FSTL5: variants seen among roughly 807,000 people sequenced by gnomAD.
FSTL5 encodes the protein follistatin-related protein 5.
Under a neutral mutation model 89.1 loss-of-function variants are expected in FSTL5, and 62 were observed. The observed-to-expected ratio is 0.70, with a 90% CI of 0.57 to 0.86. FSTL5 has a LOEUF of 0.86. FSTL5 is among the 40% of genes least tolerant of loss of function. The pLI, the probability that FSTL5 is intolerant of heterozygous loss-of-function variation, is 0.00. For missense variants in FSTL5, 1,057 were observed against 1,001.6 expected, an observed-to-expected ratio of 1.06 and a Z score of -0.75; for synonymous variants, 383 against 346.2, an observed-to-expected ratio of 1.11 and a Z score of -1.18.
chr4:162,022,620 C>T (rs1002225181), intron 3 of FSTL5: 2 of 152,090 alleles, frequency 1.3e-5, no homozygotes, highest in African/African-American at 4.8e-5. Flanking sequence ...TGCTTCATAT[C>T]CCTGAGAGAA....
At chr4:162,069,973 C>T (rs1469038607) in intron 2 of FSTL5, among the ~76,000 whole-genome samples, 1 of 151,708 alleles carries the variant, frequency 6.6e-6, no homozygotes, top group Non-Finnish European at 1.5e-5. Flanking sequence ...TAATATTTTC[C>T]ATAATGGCTG....
intron 4 of FSTL5, among the ~76,000 whole-genome samples, chr4:161,833,479 G>A (rs1164386326): frequency 1.1e-5 from 1 of 88,464 alleles, no homozygotes; most frequent in South Asian, 3.7e-4. Context: ...TTGACAGTGG[G>A]GTGTTAAAGT....
In FSTL5 at chr4:161,920,662, T is replaced by TA. The variant is rs5863499; in HGVS notation, c.161-11dup. ...TCCTGAATCATAAATCCTGAAGAAT[T>TA]AAAAAAAAATTGAAAATCGTTTGGT... is the stretch of plus-strand genomic sequence containing the variant. On this transcript the variant is annotated splice_polypyrimidine_tract_variant and intron_variant, in intron 3 of 15. Coordinates refer to ENST00000306100, the MANE Select transcript of FSTL5 (RefSeq NM_020116.5). The TA allele has an allele frequency of 0.92, 1,343,281 of 1,454,672 alleles. 621,852 individuals carry two copies. The highest frequency in any genetic ancestry group is 0.95 in the Non-Finnish European group (1,006,388 of 1,059,090). The allele number at this position is 1,454,672 out of a possible 1,614,324, so 90.1% of individuals were successfully genotyped here. A position where few individuals can be genotyped will look rare whatever the true frequency, so the allele number is the denominator to read the frequency against.
At chr4:162,085,389 CAGG>C (rs1451131450) in intron 2 of FSTL5, among the ~76,000 whole-genome samples, 1 of 151,910 alleles carries the variant, frequency 6.6e-6, no homozygotes, top group African/African-American at 2.4e-5. Flanking sequence ...ACTTAACAAT[CAGG>C]AGATTTTTTT....
chr4:161,797,977 G>T (rs992586841), intron 4 of FSTL5, among the ~76,000 whole-genome samples: 1 of 151,504 alleles, frequency 6.6e-6, no homozygotes, highest in Non-Finnish European at 1.5e-5. Context: ...AAAGAGTAAT[G>T]CTCATCATCA....
At chr4:162,048,063 A>G (rs949097906) in intron 2 of FSTL5, among the ~76,000 whole-genome samples, 2 of 151,950 alleles carry the variant, frequency 1.3e-5, no homozygotes, top group African/African-American at 4.8e-5. Context: ...GTGGCGGGTC[A>G]CGCCTGTAAT....
intron 4 of FSTL5, among the ~76,000 whole-genome samples, chr4:161,860,900 A>T (rs1289820289): frequency 6.6e-6 from 1 of 151,060 alleles, no homozygotes; most frequent in Non-Finnish European, 1.5e-5. Context: ...CTCTCTTTTC[A>T]CCCCTCTCTC....
intron 3 of FSTL5, among the ~76,000 whole-genome samples, chr4:161,969,912 G>A (rs1271537683): frequency 1.3e-5 from 2 of 152,066 alleles, no homozygotes; most frequent in African/African-American, 2.4e-5. Context: ...GTGTATGTTT[G>A]AAAAATGCAG....
chr4:161,636,657 C>T, intron 7 of FSTL5, among the ~76,000 whole-genome samples: 1 of 146,768 alleles, frequency 6.8e-6, no homozygotes, highest in Admixed American at 6.8e-5. Context: ...ATTCCCCTTC[C>T]TGTGTCCATG....
At chr4:161,967,943 C>T (rs906283851) in intron 3 of FSTL5, among the ~76,000 whole-genome samples, 2 of 151,844 alleles carry the variant, frequency 1.3e-5, no homozygotes, top group African/African-American at 4.8e-5. Context: ...TAATTTCCCC[C>T]AGGAGTTTGC....
chr4:161,496,941 GATAA>G (rs1730108411), intron 12 of FSTL5, among the ~76,000 whole-genome samples: 1 of 152,018 alleles, frequency 6.6e-6, no homozygotes, highest in African/African-American at 2.4e-5. Context: ...TGTTTTTCTG[GATAA>G]ATATTTTCTG....
intron 4 of FSTL5, among the ~76,000 whole-genome samples, chr4:161,798,397 C>A (rs886543988): frequency 2.6e-5 from 4 of 151,374 alleles, no homozygotes; most frequent in South Asian, 2.1e-4. Flanking sequence ...GTTTATCAAC[C>A]CCTATCTTTA....
chr4:161,920,313 T>C (rs753119040), intron 4 of FSTL5, 91 bp downstream of exon 4: 20 of 1,302,640 alleles, frequency 1.5e-5, no homozygotes, highest in Non-Finnish European at 1.9e-5. Flanking sequence ...TTTAGACCCT[T>C]GCTGATATAA....
intron 3 of FSTL5, among the ~76,000 whole-genome samples, chr4:161,966,132 T>C (rs1735320480): frequency 6.6e-6 from 1 of 152,110 alleles, no homozygotes; most frequent in Non-Finnish European, 1.5e-5. Context: ...AGAGTTATAG[T>C]AAGAAAACAA....
In FSTL5 at chr4:161,975,698, A is replaced by G. The variant is rs186528957; in HGVS notation, c.161-55046T>C. 3.7e-3 allele frequency among the ~76,000 whole-genome samples: 555 copies of G among 151,732 alleles called. 2 individuals are homozygous for G. The highest frequency in any genetic ancestry group is 0.016 in the South Asian group (79 of 4,828). ...CAGCGCACCAGCATGGCACATGTAT[A>G]CATATGTAACTAACCTGCACAATGT... On this transcript the variant is annotated intron_variant, in intron 3 of 15. Transcript: ENST00000306100.
chr4:161,709,276 T>A lies in FSTL5; in HGVS notation c.727+50135A>T, dbSNP rs372310851. Among the ~76,000 whole-genome samples the A allele has an allele frequency of 2.0e-5, 3 of 152,294 alleles. No individual in the cohort carries two copies. The East Asian group carries it at 5.8e-4, about 29-fold the overall frequency. The stretch of plus-strand genomic sequence containing the variant: ...CATAAATTTAAAAATTCAATATTGA[T>A]ACATAATTTCAAAGGCATAAATGAA... On this transcript the variant is annotated intron_variant, in intron 6 of 15. Transcript: ENST00000306100.
At chr4:161,420,099 G>A (rs1731929242) in intron 15 of FSTL5, among the ~76,000 whole-genome samples, 1 of 152,236 alleles carries the variant, frequency 6.6e-6, no homozygotes, top group South Asian at 2.1e-4. Flanking sequence ...GCGTCTCTTA[G>A]TATTACAGTA....
At chr4:162,096,155 C>T (rs1271047531) in intron 2 of FSTL5, among the ~76,000 whole-genome samples, 1 of 151,828 alleles carries the variant, frequency 6.6e-6, no homozygotes, top group East Asian at 1.9e-4. Context: ...ATTTAATTTG[C>T]TATCCTGAAA....
intron 4 of FSTL5, among the ~76,000 whole-genome samples, chr4:161,848,416 C>A (rs553439592): frequency 6.6e-6 from 1 of 152,106 alleles, no homozygotes; most frequent in East Asian, 1.9e-4. Context: ...TCCTAAATTC[C>A]TTTTTTGTCA....
Sources: gnomAD v4.1 joint callset for allele counts (sites outside exome capture counted in the v4.1 genomes callset) on GRCh38, gnomAD v4.1.1 for gene constraint, MANE v1.5 for transcripts, NCBI Gene and HGNC (gene_info 2026-07-23, HGNC 2026-07-21) for gene names.